The following QTGAL variants were observed in gnomAD, a reference collection of about 807,000 sequenced individuals.
The protein encoded by QTGAL is BGnT-like protein 1.
the QTGAL span, among the ~76,000 whole-genome samples, chr17:83,002,601 AGAGGATG>A: frequency 6.6e-6 from 1 of 152,186 alleles, no homozygotes; most frequent in Non-Finnish European, 1.5e-5. Context: ...AGGGCCCCAC[AGAGGATG>A]GCAGGGACAA....
the QTGAL span, chr17:82,957,108 G>C: frequency 2.5e-6 from 4 of 1,586,246 alleles, no homozygotes; most frequent in East Asian, 2.2e-5. Context: ...AAGGGGGAAG[G>C]CTCGGAGCAG....
the QTGAL span, chr17:83,049,236 G>A: frequency 1.3e-5 from 2 of 156,774 alleles, no homozygotes; most frequent in South Asian, 3.3e-4. Flanking sequence ...CTGGGTGACA[G>A]AGCAAGACTC....
the QTGAL span, chr17:82,944,661 AAGC>A: frequency 6.6e-6 from 1 of 152,324 alleles, no homozygotes; most frequent in South Asian, 2.1e-4. Context: ...GAGCAGCAAG[AAGC>A]CAGTATCCCT....
At chr17:83,024,005 C>T in the QTGAL span, among the ~76,000 whole-genome samples, 2 of 152,192 alleles carry the variant, frequency 1.3e-5, no homozygotes, top group African/African-American at 4.8e-5. Context: ...GAGCAAACAC[C>T]GGACCGTGTG....
At chr17:82,971,405 C>T in the QTGAL span, among the ~76,000 whole-genome samples, 4 of 152,292 alleles carry the variant, frequency 2.6e-5, no homozygotes, top group East Asian at 3.9e-4. Flanking sequence ...AGGCGCCCGG[C>T]GAGTCCTCCA....
the QTGAL span, among the ~76,000 whole-genome samples, chr17:82,974,747 G>T: frequency 2.6e-5 from 4 of 152,192 alleles, no homozygotes; most frequent in Non-Finnish European, 4.4e-5. Context: ...GGACCCTGGG[G>T]GTGAGCTGGG....
chr17:82,954,712 C>T, the QTGAL span, among the ~76,000 whole-genome samples: 18 of 152,174 alleles, frequency 1.2e-4, no homozygotes, highest in African/African-American at 2.7e-4. Context: ...GGAGGCATCA[C>T]GCTACCTGAC....
chr17:82,949,836 CCTT>C, the QTGAL span: 1 of 152,078 alleles, frequency 6.6e-6, no homozygotes, highest in African/African-American at 2.4e-5. Context: ...GTTTTTATCT[CCTT>C]GAGATAGGGA....
chr17:82,973,556 C>G, the QTGAL span, among the ~76,000 whole-genome samples: 5 of 152,106 alleles, frequency 3.3e-5, no homozygotes, highest in African/African-American at 9.6e-5. Flanking sequence ...TCTCACCTGG[C>G]ACCTGGTCCT....
chr17:83,021,505 CAG>C, the QTGAL span, among the ~76,000 whole-genome samples: 4 of 151,868 alleles, frequency 2.6e-5, no homozygotes, highest in African/African-American at 9.7e-5. Context: ...CAAAATATTC[CAG>C]AGAGAAATTT....
At chr17:83,015,509 GAAGC>G in the QTGAL span, among the ~76,000 whole-genome samples, 7 of 152,260 alleles carry the variant, frequency 4.6e-5, no homozygotes, top group Admixed American at 2.6e-4. The surrounding 1 kb of genome is among the most constrained non-coding windows in gnomAD (Gnocchi z 4.4). Context: ...TTCAGTGAAA[GAAGC>G]AAGACACAAG....
At chr17:82,947,223 G>A in the QTGAL span, 2 of 524,584 alleles carry the variant, frequency 3.8e-6, no homozygotes, top group South Asian at 2.7e-5. Context: ...TTCTGGCCTT[G>A]CCTCTCTACA....
At chr17:83,030,793 G>A in the QTGAL span, 4 of 152,260 alleles carry the variant, frequency 2.6e-5, no homozygotes, top group African/African-American at 9.6e-5. Context: ...GGGCGGTTCC[G>A]GGAAGGCCAT....
chr17:83,044,974 G>A, the QTGAL span, among the ~76,000 whole-genome samples: 1 of 151,288 alleles, frequency 6.6e-6, no homozygotes, highest in South Asian at 2.1e-4. Context: ...AATCTAAATT[G>A]TAAAAGGAGA....
the QTGAL span, among the ~76,000 whole-genome samples, chr17:83,019,361 T>G: frequency 6.6e-6 from 1 of 152,206 alleles, no homozygotes; most frequent in African/African-American, 2.4e-5. Context: ...AGACTTGATA[T>G]ATTCAAATTA....
chr17:83,018,384 A>C, the QTGAL span, among the ~76,000 whole-genome samples: 142 of 152,384 alleles, frequency 9.3e-4, no homozygotes, highest in African/African-American at 3.3e-3. Flanking sequence ...GATCCCTAAA[A>C]ACTTCAAAAA....
At chr17:82,959,371 G>A in the QTGAL span, among the ~76,000 whole-genome samples, 189 of 140,064 alleles carry the variant, frequency 1.3e-3, no homozygotes, top group Admixed American at 4.3e-3. Context: ...ACGTGAGTGC[G>A]TGTGTGCAGT....
At chr17:82,946,864 G>A in the QTGAL span, 96 of 1,523,408 alleles carry the variant, frequency 6.3e-5, no homozygotes, top group East Asian at 1.5e-4. Flanking sequence ...ATGGTTCTTC[G>A]GTGAAAAGAC....
the QTGAL span, among the ~76,000 whole-genome samples, chr17:82,994,562 C>A: frequency 6.6e-6 from 1 of 152,104 alleles, no homozygotes; most frequent in Non-Finnish European, 1.5e-5. Flanking sequence ...AATACAAAGT[C>A]TCCTAGCAAA....
Sources: gnomAD v4.1 joint callset for allele counts (sites outside exome capture counted in the v4.1 genomes callset) on GRCh38, gnomAD v4.1.1 for gene constraint, Gnocchi (gnomAD v3.1) non-coding constraint, MANE v1.5 for transcripts, NCBI Gene and HGNC (gene_info 2026-07-23, HGNC 2026-07-21) for gene names.